The following SNX13 variants were observed in gnomAD, a reference collection of about 807,000 sequenced individuals.
The protein encoded by SNX13 is sorting nexin-13.
Under a neutral mutation model 133.6 loss-of-function variants are expected in SNX13, and 45 were observed. That is an observed-to-expected ratio of 0.34 (90% CI 0.27 to 0.43). SNX13 has a LOEUF of 0.43. Among genes scored for constraint, SNX13 ranks in the 20% least tolerant of loss-of-function variants. SNX13 has a pLI of 1.00. For missense variants in SNX13, 1,032 were observed against 1,145.1 expected (o/e 0.90, Z 1.43); for synonymous variants, 414 against 373.9 (o/e 1.11, Z -1.24).
At chr7:17,804,864 A>G (rs1785009684) in intron 20 of SNX13, among the ~76,000 whole-genome samples, 1 of 152,200 alleles carries the variant, frequency 6.6e-6, no homozygotes, top group Non-Finnish European at 1.5e-5. Flanking sequence ...AGCAACGTTA[A>G]TAGATGGTAA....
chr7:17,845,875 T>C (rs1268028566), intron 11 of SNX13, among the ~76,000 whole-genome samples, 181 bp from the exon 12 acceptor site: 1 of 152,148 alleles, frequency 6.6e-6, no homozygotes, highest in Non-Finnish European at 1.5e-5. Context: ...AGTTAAGAGT[T>C]GCTTAGCAAA....
chr7:17,933,413 C>T (rs923275321), intron 1 of SNX13, among the ~76,000 whole-genome samples: 7 of 152,014 alleles, frequency 4.6e-5, no homozygotes, highest in African/African-American at 1.4e-4. Context: ...CGTGCTGGCA[C>T]GCGCCTGTAG....
chr7:17,842,185 A>G (rs1789982732), intron 12 of SNX13, among the ~76,000 whole-genome samples: 2 of 152,112 alleles, frequency 1.3e-5, no homozygotes, highest in Non-Finnish European at 2.9e-5. Flanking sequence ...ACACATTATA[A>G]TTCAACTTTC....
At chr7:17,837,722 T>A (rs1197319884) in intron 13 of SNX13, among the ~76,000 whole-genome samples, 4 of 152,022 alleles carry the variant, frequency 2.6e-5, no homozygotes, top group Non-Finnish European at 5.9e-5. Flanking sequence ...GAAAAATGGT[T>A]TTTAAATAGA....
chr7:17,869,417 T>A (rs964565123), intron 8 of SNX13, among the ~76,000 whole-genome samples: 2 of 152,126 alleles, frequency 1.3e-5, no homozygotes, highest in Non-Finnish European at 2.9e-5. Flanking sequence ...GTAGATTCTA[T>A]AAATACAATG....
At chr7:17,855,074 G>C (rs1284037360) in intron 9 of SNX13, among the ~76,000 whole-genome samples, 3 of 152,190 alleles carry the variant, frequency 2.0e-5, no homozygotes, top group African/African-American at 7.2e-5. Flanking sequence ...TGGTGATATG[G>C]AGAAAGTATT....
In SNX13 at chr7:17,790,928, G is replaced by A. The variant is rs1783479250; in HGVS notation, c.*3117C>T. On this transcript the variant is annotated 3_prime_UTR_variant, in exon 26 of 26. Transcript: ENST00000428135. ...GTTAGGCACACAGTTGACACTTACT[G>A]TACAATGATATGCACACATTATCTT... 2 of 152,020 alleles carry A rather than the reference G, an allele frequency of 1.3e-5. No homozygotes were observed. The highest frequency in any genetic ancestry group is 4.1e-4 in the South Asian group (2 of 4,826). 9.4% of individuals were successfully genotyped at this position (152,020 alleles called of 1,614,324 possible).
At chr7:17,880,535 T>C (rs1795219228) in intron 5 of SNX13, 1 of 152,214 alleles carries the variant, frequency 6.6e-6, no homozygotes, top group Admixed American at 6.5e-5. Context: ...ACTAATTGTA[T>C]CAGATTTTCT....
chr7:17,923,549 C>T (rs557488073), intron 1 of SNX13, among the ~76,000 whole-genome samples: 2 of 152,032 alleles, frequency 1.3e-5, no homozygotes, highest in African/African-American at 2.4e-5. Flanking sequence ...GCTAAAAGAA[C>T]GGGTCAGCCC....
At chr7:17,883,242 T>A (rs960925033) in intron 5 of SNX13, among the ~76,000 whole-genome samples, 11 of 151,926 alleles carry the variant, frequency 7.2e-5, no homozygotes, top group African/African-American at 2.4e-4. Context: ...TAGTAAAAAA[T>A]TTACACAGAA....
intron 5 of SNX13, among the ~76,000 whole-genome samples, chr7:17,879,092 A>G (rs1441579184): frequency 6.6e-6 from 1 of 152,188 alleles, no homozygotes; most frequent in Non-Finnish European, 1.5e-5. Context: ...TGATAATACC[A>G]AACTTTCCAC....
At chr7:17,861,683 T>G (rs1387653236) in intron 9 of SNX13, among the ~76,000 whole-genome samples, 3 of 152,156 alleles carry the variant, frequency 2.0e-5, no homozygotes, top group Non-Finnish European at 4.4e-5. Context: ...AAACACACTG[T>G]GTGTGCTCAC....
chr7:17,868,576 A>C (rs1793683143), intron 8 of SNX13, 86 bp from the exon 9 acceptor site: 2 of 1,036,962 alleles, frequency 1.9e-6, no homozygotes, highest in African/African-American at 3.2e-5. Context: ...CAATGCTGTT[A>C]CTTAAGAAAA....
chr7:17,822,781 A>G (rs1787444446), intron 17 of SNX13, among the ~76,000 whole-genome samples: 1 of 152,152 alleles, frequency 6.6e-6, no homozygotes, highest in African/African-American at 2.4e-5. Context: ...TCACCACTCT[A>G]ACTGCTGGTT....
Position 17,847,024 on chromosome 7 carries a change from T to C in SNX13, c.1066-1330A>G, listed in dbSNP as rs537966756. 1.1e-4 allele frequency among the ~76,000 whole-genome samples: 17 copies of C among 152,262 alleles called. No homozygotes were observed. The South Asian group carries it at 3.5e-3, about 32-fold the overall frequency. ...TGTATTCAAAATGGAATTGACAGGC[T>C]TGCAAACAAAATATCTAAATTTTAA... On this transcript the variant is annotated intron_variant, in intron 11 of 25. Coordinates refer to ENST00000428135, the MANE Select transcript of SNX13 (RefSeq NM_015132.5).
intron 1 of SNX13, among the ~76,000 whole-genome samples, chr7:17,907,783 A>G (rs1157300108): frequency 6.6e-6 from 1 of 152,188 alleles, no homozygotes; most frequent in Non-Finnish European, 1.5e-5. Context: ...ACCAAGAAAA[A>G]TTAACACTAG....
rs1792190108 is a variant in SNX13 at position 17,858,370 on chromosome 7, T to C, written c.838-7406A>G. ...ATTAGTAAACAATCTGAAAAATAAA[T>C]CAAGAAACAAATCACATTTATAACA... On this transcript the variant is annotated intron_variant, in intron 9 of 25. Transcript: ENST00000428135. 2.0e-5 allele frequency among the ~76,000 whole-genome samples: 3 copies of C among 151,674 alleles called. No individual in the cohort carries two copies. The South Asian group carries it at 6.2e-4, about 31-fold the overall frequency.
Position 17,890,356 on chromosome 7 carries a change from T to C in SNX13, c.440+7A>G. ...TTTTCTGCATAAATACAATGTCGTG[T>C]CCTTACCTAGTAGCAAACTGAATGA... On this transcript the variant is annotated splice_region_variant and intron_variant, in intron 5 of 25. Transcript: ENST00000428135. 2 of 1,607,742 alleles carry C rather than the reference T, an allele frequency of 1.2e-6. No individual in the cohort carries two copies. The highest frequency in any genetic ancestry group is 1.7e-6 in the Non-Finnish European group (2 of 1,177,530).
intron 1 of SNX13, among the ~76,000 whole-genome samples, chr7:17,916,252 C>T (rs558761430): frequency 2.6e-5 from 4 of 152,018 alleles, no homozygotes; most frequent in South Asian, 4.2e-4. Context: ...AAAACAAACT[C>T]CAAAAACGAG....
Sources: allele counts gnomAD v4.1 joint callset (sites outside exome capture counted in the v4.1 genomes callset), GRCh38; gene constraint gnomAD v4.1.1; transcripts MANE v1.5; gene names NCBI Gene and HGNC (gene_info 2026-07-23, HGNC 2026-07-21).